Variants in CHID1 observed in about 807,000 individuals in gnomAD.
CHID1 encodes the protein chitinase domain-containing protein 1.
In CHID1, 44 loss-of-function variants were observed where a neutral mutation model predicts 55.4. That is an observed-to-expected ratio of 0.79 (90% CI 0.62 to 1.02). The LOEUF (loss-of-function observed/expected upper bound fraction) is 1.02. Among genes scored for constraint, CHID1 ranks in the 50% least tolerant of loss-of-function variants. CHID1 has a pLI of 0.00. For synonymous variants in CHID1, 216 were observed against 212.9 expected (o/e 1.01, Z -0.13); for missense variants, 491 against 515.3 (o/e 0.95, Z 0.46).
chr11:870,810 C>T (rs1039835471), intron 10 of CHID1: 9 of 304,584 alleles, frequency 3.0e-5, no homozygotes, highest in African/African-American at 1.1e-4. Flanking sequence ...ACCCTCAGGC[C>T]GCGCAGCGGC....
intron 4 of CHID1, 53 bp from the exon 5 acceptor site, chr11:901,033 AC>A: frequency 6.6e-7 from 1 of 1,512,000 alleles, no homozygotes; most frequent in Non-Finnish European, 9.0e-7. Flanking sequence ...CAACTGGAAG[AC>A]CCAGCCTACC....
rs1414539386 is a variant in CHID1, at chr11:883,233, G to A, written c.874C>T (p.Arg292Ter). Reference protein sequence around the residue: ...VQVLDPKSKWRSKILLGLNFY... With the variant: ...VQVLDPKSKW ...TTGAGCCCCAGGAGGATTTTGCTTCGCCACTTGGACTTCGGGTCCAGGACC... is the reference window on the plus strand; with the variant it reads ...TTGAGCCCCAGGAGGATTTTGCTTCACCACTTGGACTTCGGGTCCAGGACC... Residue 292 changes from arginine (R) to a stop codon, truncating the protein, a stop_gained, in exon 10 of 13, where the codon CGA becomes TGA. Transcript: ENST00000323578. LOFTEE classifies it high-confidence loss of function. The A allele has an allele frequency of 3.7e-6, 6 of 1,614,160 alleles. No homozygotes were observed. The highest frequency in any genetic ancestry group is 2.7e-5 in the African/African-American group (2 of 75,054).
chr11:893,372 C>T (rs892321194), intron 8 of CHID1, 55 bp downstream of exon 8: 43 of 1,441,168 alleles, frequency 3.0e-5, no homozygotes, highest in Non-Finnish European at 3.6e-5. Flanking sequence ...GCACTGGCTG[C>T]CCCCGACCCC....
upstream of CHID1, chr11:914,451 G>A: frequency 9.1e-7 from 1 of 1,095,268 alleles, no homozygotes; most frequent in Non-Finnish European, 1.2e-6. Flanking sequence ...GGCCGGTGGG[G>A]TGAGGAGGCC....
At chr11:906,984 C>T (rs7924873) in intron 1 of CHID1, among the ~76,000 whole-genome samples, 5,497 of 152,222 alleles carry the variant, frequency 0.036, 312 homozygotes, top group African/African-American at 0.12. Context: ...GCCGAGATCG[C>T]GCAATTGCAC....
chr11:885,054 G>T (rs900445189), intron 8 of CHID1, among the ~76,000 whole-genome samples: 11 of 152,228 alleles, frequency 7.2e-5, no homozygotes, highest in African/African-American at 2.4e-4. Flanking sequence ...GGGCCCCACG[G>T]CAGCAGGACG....
intron 10 of CHID1, among the ~76,000 whole-genome samples, chr11:878,185 G>A (rs942177044): frequency 6.6e-6 from 1 of 152,216 alleles, no homozygotes. Flanking sequence ...AAGCCGAGCC[G>A]GGTGGATCAC....
intron 10 of CHID1, among the ~76,000 whole-genome samples, chr11:878,694 C>A (rs1370426836): frequency 6.6e-6 from 1 of 151,834 alleles, no homozygotes; most frequent in Non-Finnish European, 1.5e-5. Context: ...AAGAAATAGT[C>A]TTTTTTATTC....
chr11:904,129 C>T (rs1392615958), intron 2 of CHID1, among the ~76,000 whole-genome samples: 1 of 152,228 alleles, frequency 6.6e-6, no homozygotes, highest in Non-Finnish European at 1.5e-5. Context: ...CCCCAAGCGG[C>T]CCCGTGAGAG....
chr11:876,877 T>TG (rs1849556312), intron 10 of CHID1, among the ~76,000 whole-genome samples: 1 of 152,122 alleles, frequency 6.6e-6, no homozygotes, highest in Admixed American at 6.5e-5. Context: ...GGATGGGACG[T>TG]GGGGACGGGC....
At chr11:882,875 C>G (rs960811011) in intron 10 of CHID1, 10 of 400,614 alleles carry the variant, frequency 2.5e-5, no homozygotes, top group African/African-American at 2.0e-4. Flanking sequence ...TGGGGCAAGG[C>G]TGACGGGTGG....
In CHID1 at chr11:880,565, T is replaced by C. The variant is rs1408489984; in HGVS notation, c.959+2583A>G. 3.3e-5 allele frequency among the ~76,000 whole-genome samples: 5 copies of C among 152,190 alleles called. No homozygotes were observed. In the East Asian group the frequency reaches 9.6e-4, roughly 29 times the overall value. On this transcript the variant is annotated intron_variant, in intron 10 of 12. Transcript: ENST00000323578. ...TGGAGGGGCTCACGGAGGGCACCCC[T>C]GGAGGCCGGGCAGGGAACACTGCCC...
chr11:908,013 C>A (rs1852364131), intron 1 of CHID1, among the ~76,000 whole-genome samples: 1 of 152,196 alleles, frequency 6.6e-6, no homozygotes, highest in South Asian at 2.1e-4. Flanking sequence ...GACTGGTGCT[C>A]CTGGTGCAGA....
At chr11:911,520 C>CA (rs1407082753), upstream of CHID1, 1 of 152,094 alleles carries the variant, frequency 6.6e-6, no homozygotes, top group Admixed American at 6.5e-5. Context: ...AGCGCAGTTT[C>CA]CTACAGAAAA....
chr11:870,654 G>A, intron 10 of CHID1, 155 bp from the exon 11 acceptor site: 1 of 619,520 alleles, frequency 1.6e-6, no homozygotes. Context: ...GGGGTGGCCA[G>A]AGCCCCAGGC....
intron 1 of CHID1, among the ~76,000 whole-genome samples, chr11:905,829 A>G (rs1290194928): frequency 6.6e-6 from 1 of 152,204 alleles, no homozygotes; most frequent in Non-Finnish European, 1.5e-5. Flanking sequence ...GGGAGAGATT[A>G]GGAAAGAAAA....
chr11:885,762 T>A (rs748697796), intron 8 of CHID1, among the ~76,000 whole-genome samples: 9 of 152,222 alleles, frequency 5.9e-5, no homozygotes, highest in African/African-American at 1.9e-4. Flanking sequence ...GGGGTCTCTA[T>A]GTCACCCAGG....
chr11:910,195 A>G (rs1852556624), intron 1 of CHID1, among the ~76,000 whole-genome samples: 1 of 152,086 alleles, frequency 6.6e-6, no homozygotes, highest in African/African-American at 2.4e-5. Flanking sequence ...TTGGACAGTC[A>G]GCAATGGAAG....
At chr11:880,099 C>T (rs1020652770) in intron 10 of CHID1, among the ~76,000 whole-genome samples, 8 of 152,234 alleles carry the variant, frequency 5.3e-5, no homozygotes, top group African/African-American at 1.9e-4. Context: ...TGAGAGCTGG[C>T]ACCCAGTGAC....
Sources: allele counts gnomAD v4.1 joint callset (sites outside exome capture counted in the v4.1 genomes callset), GRCh38; gene constraint gnomAD v4.1.1; transcripts MANE v1.5; gene names NCBI Gene and HGNC (gene_info 2026-07-23, HGNC 2026-07-21).